Variants in SMARCA2 observed in about 807,000 individuals in gnomAD.
The protein encoded by SMARCA2 is SWI/SNF-related matrix-associated actin-dependent regulator of chromatin subfamily A member 2.
Under a neutral mutation model 199.8 loss-of-function variants are expected in SMARCA2, and 61 were observed. The ratio of observed to expected loss-of-function variants is 0.31; its 90% CI spans 0.25 to 0.38. The LOEUF (loss-of-function observed/expected upper bound fraction) is 0.38, where lower values mean the gene tolerates loss of function less well. Among genes scored for constraint, SMARCA2 ranks in the 10% least tolerant of loss-of-function variants. SMARCA2 has a pLI of 1.00. For synonymous variants in SMARCA2, 935 were observed against 732.0 expected, an observed-to-expected ratio of 1.28 and a Z score of -4.48; for missense variants, 1,344 against 2,012.2, an observed-to-expected ratio of 0.67 and a Z score of 6.35.
chr9:2,097,085 T>G, intron 20 of SMARCA2: 1 of 494,400 alleles, frequency 2.0e-6, no homozygotes, highest in Non-Finnish European at 3.6e-6. Context: ...GGGCATCTGT[T>G]CTGTGCTTCT....
At chr9:2,187,559 T>C (rs1827557213) in intron 32 of SMARCA2, among the ~76,000 whole-genome samples, 1 of 152,108 alleles carries the variant, frequency 6.6e-6, no homozygotes, top group Non-Finnish European at 1.5e-5. Flanking sequence ...GTGTCTATAG[T>C]CCCAGCTACT....
At chr9:2,057,573 T>C (rs1273633477) in intron 7 of SMARCA2, among the ~76,000 whole-genome samples, 2 of 152,190 alleles carry the variant, frequency 1.3e-5, no homozygotes, top group African/African-American at 2.4e-5. Context: ...CAAAAAGTTA[T>C]TTTCATAACA....
rs888330235 is a variant in SMARCA2, at chr9:2,104,078, C to T, written c.3201C>T (p.His1067=). 1.2e-6 allele frequency: 2 copies of T among 1,614,046 alleles called. No homozygotes were observed. Among genetic ancestry groups the T allele is most frequent in the Non-Finnish European group, 1.7e-6 (2 of 1,179,970 alleles). ...RILPKLRATN[H]RVLLFCQMTS... ...TGCCAAAATTGAGAGCGACTAATCACCGAGTGCTGCTTTTCTGCCAGATGA... is the reference window on the plus strand; with the variant it reads ...TGCCAAAATTGAGAGCGACTAATCATCGAGTGCTGCTTTTCTGCCAGATGA... The change falls in exon 23 of 34, where the codon CAC becomes CAT. Residue 1067 remains histidine (H), a synonymous_variant. Transcript: ENST00000349721. This position sits in a 1 kb window ranked among gnomAD's most constrained non-coding sequence, Gnocchi z 4.0.
chr9:2,030,108 G>C (rs967927145), intron 2 of SMARCA2, among the ~76,000 whole-genome samples: 7 of 152,220 alleles, frequency 4.6e-5, no homozygotes, highest in Admixed American at 2.0e-4. Flanking sequence ...GATATCACAG[G>C]TGGATAGGGT....
intron 27 of SMARCA2, among the ~76,000 whole-genome samples, chr9:2,130,443 C>T (rs1823893031): frequency 6.6e-6 from 1 of 152,168 alleles, no homozygotes; most frequent in Non-Finnish European, 1.5e-5. Context: ...ATTCACTACC[C>T]TATTTTGGAA....
chr9:2,129,371 T>C (rs1012414201), intron 27 of SMARCA2, among the ~76,000 whole-genome samples: 2 of 152,138 alleles, frequency 1.3e-5, no homozygotes, highest in African/African-American at 4.8e-5. Context: ...TGAGCCGAGA[T>C]CGTGCCATTG....
Position 2,039,385 on chromosome 9 carries a change from C to A in SMARCA2, c.356-81C>A. 1 of 1,345,024 alleles carries A rather than the reference C, an allele frequency of 7.4e-7. No individual in the cohort carries two copies. Among genetic ancestry groups the A allele is most frequent in the Non-Finnish European group, 1.0e-6 (1 of 975,292 alleles). The allele number at this position is 1,345,024 out of a possible 1,614,324, so 83.3% of individuals were successfully genotyped here. A position where few individuals can be genotyped will look rare whatever the true frequency, so the allele number is the denominator to read the frequency against. ...TTCTGTCAGACAGTGTTGCTGTGGA[C>A]AATTATTAGAGTATTCAGGGATATC... On this transcript the variant is annotated intron_variant, in intron 3 of 33. Transcript: ENST00000349721. This position sits in a 1 kb window ranked among gnomAD's most constrained non-coding sequence, Gnocchi z 4.8.
chr9:2,134,299 A>T (rs76429359), intron 27 of SMARCA2, among the ~76,000 whole-genome samples: 3,041 of 152,270 alleles, frequency 0.02, 107 homozygotes, highest in African/African-American at 0.069. Flanking sequence ...AGGTTTATTC[A>T]TCTCAAGCAC....
At chr9:2,190,849 T>C (rs1827828941) in intron 32 of SMARCA2, among the ~76,000 whole-genome samples, 1 of 152,252 alleles carries the variant, frequency 6.6e-6, no homozygotes, top group Non-Finnish European at 1.5e-5. Context: ...AATGGAGTTA[T>C]CTACATGGTA....
intron 22 of SMARCA2, 86 bp downstream of exon 22, chr9:2,101,702 C>A (rs1822522889): frequency 1.5e-6 from 1 of 670,056 alleles, no homozygotes; most frequent in South Asian, 1.9e-5. Flanking sequence ...TCCTCTTGTG[C>A]AAATACTTAC....
At chr9:2,159,648 A>G (rs543368440) in intron 27 of SMARCA2, 22 of 749,122 alleles carry the variant, frequency 2.9e-5, no homozygotes, top group East Asian at 2.5e-4. Flanking sequence ...GTAGTTGTCA[A>G]TATTAAAACA....
Position 2,119,386 on chromosome 9 carries a change from GA to G in SMARCA2, c.3685-71del. The G allele has an allele frequency of 2.0e-6, 2 of 980,042 alleles. No individual in the cohort carries two copies. Among genetic ancestry groups the G allele is most frequent in the South Asian group, 1.3e-5 (1 of 77,196 alleles). The allele number at this position is 980,042 out of a possible 1,614,324, so 60.7% of individuals were successfully genotyped here. A position where few individuals can be genotyped will look rare whatever the true frequency, so the allele number is the denominator to read the frequency against. On this transcript the variant is annotated intron_variant, in intron 25 of 33. Coordinates refer to ENST00000349721, the MANE Select transcript of SMARCA2 (RefSeq NM_003070.5). This position sits in a 1 kb window ranked among gnomAD's most constrained non-coding sequence, Gnocchi z 4.6. ...GAAATGGGACCCCTCTGGTCTGGAG[GA>G]CAGATCACTTACTTGTTTGTACCTT...
chr9:2,183,638 G>GGA (rs1554644474), intron 31 of SMARCA2, among the ~76,000 whole-genome samples: 116,640 of 151,576 alleles, frequency 0.77, 45,260 homozygotes, highest in East Asian at 0.86. Flanking sequence ...ATCAAACAAA[G>GGA]GAATAGAGAA....
At chr9:2,033,131 G>A in intron 3 of SMARCA2, 50 bp downstream of exon 3, 1 of 1,588,792 alleles carries the variant, frequency 6.3e-7, no homozygotes, top group Non-Finnish European at 8.6e-7. Flanking sequence ...TAGTCTTTCA[G>A]TCTTTCCTGT....
chr9:2,119,994 T>G lies in SMARCA2; in HGVS notation c.3762+459T>G, dbSNP rs1161489571. Reference sequence around the variant, plus strand: ...GCATTGGAACTTACAACAGTGCCCTTACAGGATCAAAGCAACATGCTCCTT... The same window carrying G: ...GCATTGGAACTTACAACAGTGCCCTGACAGGATCAAAGCAACATGCTCCTT... On this transcript the variant is annotated intron_variant, in intron 26 of 33. Coordinates refer to ENST00000349721, the MANE Select transcript of SMARCA2 (RefSeq NM_003070.5). This position sits in a 1 kb window ranked among gnomAD's most constrained non-coding sequence, Gnocchi z 4.6. 6.6e-6 allele frequency among the ~76,000 whole-genome samples: 1 copy of G among 152,204 alleles called. No homozygotes were observed. The highest frequency in any genetic ancestry group is 2.4e-5 in the African/African-American group (1 of 41,454).
At chr9:2,059,222 C>T (rs574727080) in intron 8 of SMARCA2, among the ~76,000 whole-genome samples, 22 of 152,186 alleles carry the variant, frequency 1.4e-4, no homozygotes, top group East Asian at 3.9e-4. Flanking sequence ...CTATCTAGGA[C>T]GTAATGCCTG....
rs1820084181 is a variant in SMARCA2, at chr9:2,050,788, AT to A, written c.1046+3308del. 2.0e-5 allele frequency among the ~76,000 whole-genome samples: 3 copies of A among 152,140 alleles called. No individual in the cohort carries two copies. The South Asian group carries it at 6.2e-4, about 32-fold the overall frequency. The stretch of plus-strand genomic sequence containing the variant: ...TGAAGGAACAAAATGTACCAGTGTC[AT>A]TTTCTGTTCAGATAACTCTCCTACA... On this transcript the variant is annotated intron_variant, in intron 5 of 33. Transcript: ENST00000349721.
intron 27 of SMARCA2, among the ~76,000 whole-genome samples, chr9:2,148,757 C>G (rs1018894758): frequency 1.3e-5 from 2 of 151,456 alleles, no homozygotes; most frequent in African/African-American, 4.8e-5. Flanking sequence ...AATCCTCCTG[C>G]CTCAGCCTCC....
chr9:2,100,931 G>C (rs907666146), intron 21 of SMARCA2, among the ~76,000 whole-genome samples: 11 of 152,046 alleles, frequency 7.2e-5, no homozygotes, highest in African/African-American at 2.7e-4. Context: ...AAGGTGAAAG[G>C]AACGTCTTAC....
Sources: allele counts gnomAD v4.1 joint callset (sites outside exome capture counted in the v4.1 genomes callset), GRCh38; gene constraint gnomAD v4.1.1; non-coding constraint Gnocchi (gnomAD v3.1); transcripts MANE v1.5; gene names NCBI Gene and HGNC (gene_info 2026-07-23, HGNC 2026-07-21).